GRIA4: variants seen among roughly 807,000 people sequenced by gnomAD.
GRIA4 encodes the protein glutamate ionotropic receptor AMPA type subunit 4.
Under a neutral mutation model 104.0 loss-of-function variants are expected in GRIA4, and 34 were observed. The ratio of observed to expected loss-of-function variants is 0.33; its 90% CI spans 0.25 to 0.44. The LOEUF (loss-of-function observed/expected upper bound fraction) is 0.44. Among genes scored for constraint, GRIA4 ranks in the 20% least tolerant of loss-of-function variants. GRIA4 has a pLI of 1.00. For missense variants in GRIA4, 750 were observed against 1,096.5 expected, an observed-to-expected ratio of 0.68 and a Z score of 4.46; for synonymous variants, 386 against 381.9, an observed-to-expected ratio of 1.01 and a Z score of -0.13.
At chr11:105,827,309 A>G (rs1591313893) in intron 4 of GRIA4, among the ~76,000 whole-genome samples, 1 of 152,180 alleles carries the variant, frequency 6.6e-6, no homozygotes, top group East Asian at 1.9e-4. Context: ...TATATGATAC[A>G]ATATCAAATC....
intron 16 of GRIA4, 128 bp downstream of exon 16, chr11:105,974,572 C>G (rs775018499): frequency 6.2e-7 from 1 of 1,608,062 alleles, no homozygotes; most frequent in East Asian, 2.2e-5. Flanking sequence ...GACTTAGGCC[C>G]GACTACAGTG....
At chr11:105,889,083 C>T (rs1946374767) in intron 6 of GRIA4, among the ~76,000 whole-genome samples, 1 of 151,992 alleles carries the variant, frequency 6.6e-6, no homozygotes, top group South Asian at 2.1e-4. Context: ...TCTATTCTTA[C>T]AAACAATAGA....
chr11:105,939,280 T>C (rs1948126971), intron 14 of GRIA4, among the ~76,000 whole-genome samples: 1 of 152,198 alleles, frequency 6.6e-6, no homozygotes, highest in South Asian at 2.1e-4. Flanking sequence ...TATTCAAGGG[T>C]TAGCCTTTTG....
At chr11:105,964,813 G>GTTTT (rs1948824471) in intron 14 of GRIA4, among the ~76,000 whole-genome samples, 2 of 143,164 alleles carry the variant, frequency 1.4e-5, no homozygotes, top group Non-Finnish European at 3.0e-5. Context: ...TTGTTTGTTT[G>GTTTT]TTTTTGTTTT....
At chr11:105,805,318 G>A (rs547322174) in intron 4 of GRIA4, among the ~76,000 whole-genome samples, 7 of 151,564 alleles carry the variant, frequency 4.6e-5, no homozygotes, top group African/African-American at 1.4e-4. Flanking sequence ...TAGAAAAGGC[G>A]AAGCGATCAT....
At chr11:105,672,163 T>C (rs1260804689) in intron 3 of GRIA4, among the ~76,000 whole-genome samples, 1 of 152,182 alleles carries the variant, frequency 6.6e-6, no homozygotes. Context: ...TAAAAATAAA[T>C]TTTAAAAATC....
chr11:105,819,380 A>G (rs1373367484), intron 4 of GRIA4, among the ~76,000 whole-genome samples: 2 of 152,138 alleles, frequency 1.3e-5, no homozygotes, highest in Admixed American at 6.5e-5. Flanking sequence ...TTTGGTGACA[A>G]TTAATTCTCA....
chr11:105,954,910 T>TTATCTATATATATATATATA (rs1948545484), intron 14 of GRIA4, among the ~76,000 whole-genome samples: 1 of 45,734 alleles, frequency 2.2e-5, no homozygotes, highest in Non-Finnish European at 4.3e-5. Flanking sequence ...TGCTTTCAAT[T>TTATCTATATATATATATATA]TATATATATA....
At chr11:105,741,964 A>G (rs1403884211) in intron 3 of GRIA4, among the ~76,000 whole-genome samples, 2 of 152,140 alleles carry the variant, frequency 1.3e-5, no homozygotes, top group Admixed American at 6.6e-5. Flanking sequence ...ATTGTATTAT[A>G]TATTGAAAAT....
At chr11:105,744,687 T>C (rs1311413842) in intron 3 of GRIA4, among the ~76,000 whole-genome samples, 1 of 152,180 alleles carries the variant, frequency 6.6e-6, no homozygotes, top group African/African-American at 2.4e-5. Context: ...TAAAAACCTT[T>C]AGCTTCTGTT....
At chr11:105,712,371 G>A (rs1304289726) in intron 3 of GRIA4, among the ~76,000 whole-genome samples, 3 of 151,792 alleles carry the variant, frequency 2.0e-5, no homozygotes, top group African/African-American at 7.3e-5. Flanking sequence ...AGATAGTGAG[G>A]ATAAACTCAA....
At chr11:105,683,072 C>T (rs1565460660) in intron 3 of GRIA4, among the ~76,000 whole-genome samples, 1 of 152,036 alleles carries the variant, frequency 6.6e-6, no homozygotes, top group Non-Finnish European at 1.5e-5. Context: ...AGTCTTAGAA[C>T]TCTAAAAAAT....
At chr11:105,815,621 C>G (rs1943345720) in intron 4 of GRIA4, among the ~76,000 whole-genome samples, 1 of 151,894 alleles carries the variant, frequency 6.6e-6, no homozygotes, top group African/African-American at 2.4e-5. Context: ...GAGTGCAAAA[C>G]TTTTAAATAC....
At chr11:105,821,309 G>C (rs2135902792) in intron 4 of GRIA4, among the ~76,000 whole-genome samples, 1 of 152,198 alleles carries the variant, frequency 6.6e-6, no homozygotes, top group Middle Eastern at 3.4e-3. Context: ...TGTTCCCTCT[G>C]AAGAAATTGT....
intron 14 of GRIA4, among the ~76,000 whole-genome samples, chr11:105,969,761 C>G (rs1858588229): frequency 6.6e-6 from 1 of 152,026 alleles, no homozygotes; most frequent in Non-Finnish European, 1.5e-5. Flanking sequence ...ACCTAAAAAC[C>G]CTTAGAGTAT....
chr11:105,645,766 ATAT>A (rs1951509232), intron 3 of GRIA4, among the ~76,000 whole-genome samples: 1 of 152,188 alleles, frequency 6.6e-6, no homozygotes, highest in Admixed American at 6.5e-5. Context: ...GACAGATAAG[ATAT>A]TATAGCCATG....
At chr11:105,780,191 G>GA (rs1941664095) in intron 4 of GRIA4, among the ~76,000 whole-genome samples, 2 of 152,136 alleles carry the variant, frequency 1.3e-5, no homozygotes, top group South Asian at 4.1e-4. Context: ...CTAAGAACAG[G>GA]AAAAAAGGGG....
At chr11:105,816,356 T>C (rs1943374776) in intron 4 of GRIA4, among the ~76,000 whole-genome samples, 1 of 152,152 alleles carries the variant, frequency 6.6e-6, no homozygotes, top group Admixed American at 6.6e-5. Flanking sequence ...TTCTCATGAA[T>C]GGTTTACCAC....
chr11:105,950,105 GAAT>G lies in GRIA4; in HGVS notation c.2294+16141_2294+16143del, dbSNP rs749502047. Among the ~76,000 whole-genome samples, 7 of 152,260 alleles carry G rather than the reference GAAT, an allele frequency of 4.6e-5. 1 individual carries two copies. The South Asian group carries it at 1.5e-3, about 32-fold the overall frequency. On this transcript the variant is annotated intron_variant, in intron 14 of 16. Transcript: ENST00000282499. Reference sequence around the variant, plus strand: ...GAAAGCTTGAATGTCAGAAAAGTTAGAATAATATCTTGGAGGCAATCATGAATT... The same window carrying G: ...GAAAGCTTGAATGTCAGAAAAGTTAGAATATCTTGGAGGCAATCATGAATT...
Sources: allele counts gnomAD v4.1 joint callset (sites outside exome capture counted in the v4.1 genomes callset), GRCh38; gene constraint gnomAD v4.1.1; transcripts MANE v1.5; gene names NCBI Gene and HGNC (gene_info 2026-07-23, HGNC 2026-07-21).